SEZ6L: variants seen among roughly 807,000 people sequenced by gnomAD.
The protein encoded by SEZ6L is seizure related 6 homolog like.
SEZ6L carries 37 observed loss-of-function variants against 106.2 expected under a neutral mutation model. That is an observed-to-expected ratio of 0.35 (90% CI 0.27 to 0.46). The LOEUF (loss-of-function observed/expected upper bound fraction) is 0.46. Among genes scored for constraint, SEZ6L ranks in the 20% least tolerant of loss-of-function variants. SEZ6L has a pLI of 1.00. For missense variants in SEZ6L, 1,172 were observed against 1,332.8 expected (o/e 0.88, Z 1.88); for synonymous variants, 541 against 570.4 (o/e 0.95, Z 0.73).
At chr22:26,298,956 C>G in intron 4 of SEZ6L, 28 bp from the exon 5 acceptor site, 1 of 1,521,884 alleles carries the variant, frequency 6.6e-7, no homozygotes, top group Non-Finnish European at 8.8e-7. Context: ...CAAGTGATGA[C>G]TGAGTCTGCC....
chr22:26,256,281 G>A (rs1021325073), intron 1 of SEZ6L, among the ~76,000 whole-genome samples: 5 of 152,172 alleles, frequency 3.3e-5, no homozygotes. Flanking sequence ...TGGGTACAAG[G>A]AGATAAGCTA....
chr22:26,248,539 T>A (rs2079447223), intron 1 of SEZ6L, among the ~76,000 whole-genome samples: 1 of 152,166 alleles, frequency 6.6e-6, no homozygotes, highest in Non-Finnish European at 1.5e-5. Flanking sequence ...TAATGACCTC[T>A]TTTTCACGGT....
At chr22:26,294,166 C>T in intron 2 of SEZ6L, 126 bp from the exon 3 acceptor site, 1 of 805,926 alleles carries the variant, frequency 1.2e-6, no homozygotes, top group Non-Finnish European at 2.0e-6. Flanking sequence ...GAGGAATTAA[C>T]AGCAGAAGGA....
At chr22:26,236,954 T>G (rs1014777620) in intron 1 of SEZ6L, among the ~76,000 whole-genome samples, 5 of 152,172 alleles carry the variant, frequency 3.3e-5, no homozygotes, top group Non-Finnish European at 7.4e-5. Context: ...AACCTGTCTC[T>G]GCTCCCCCTT....
At chr22:26,336,578 T>C (rs970812916) in intron 9 of SEZ6L, among the ~76,000 whole-genome samples, 7 of 152,198 alleles carry the variant, frequency 4.6e-5, no homozygotes, top group Admixed American at 1.3e-4. Context: ...TGTTCTTAGC[T>C]TAGGGAGACA....
chr22:26,212,344 A>G (rs979865817), intron 1 of SEZ6L, among the ~76,000 whole-genome samples: 16 of 152,214 alleles, frequency 1.1e-4, no homozygotes, highest in African/African-American at 3.6e-4. Flanking sequence ...ATATGTTCTC[A>G]TTGGAATAAA....
chr22:26,297,598 G>C (rs985717256), intron 4 of SEZ6L, among the ~76,000 whole-genome samples: 1 of 152,020 alleles, frequency 6.6e-6, no homozygotes. Flanking sequence ...TCCACTGTGC[G>C]TCCACAGACT....
At chr22:26,214,412 T>G (rs1393661666) in intron 1 of SEZ6L, among the ~76,000 whole-genome samples, 1 of 152,176 alleles carries the variant, frequency 6.6e-6, no homozygotes, top group Admixed American at 6.5e-5. Flanking sequence ...TCTTAGCTAC[T>G]TGCATCCTAG....
At chr22:26,335,325 T>C (rs935240142) in intron 9 of SEZ6L, among the ~76,000 whole-genome samples, 2 of 152,196 alleles carry the variant, frequency 1.3e-5, no homozygotes, top group South Asian at 2.1e-4. Flanking sequence ...TGCGTTTTCA[T>C]AGGTCTTCTG....
At chr22:26,260,670 C>T (rs1254665021) in intron 1 of SEZ6L, among the ~76,000 whole-genome samples, 3 of 152,028 alleles carry the variant, frequency 2.0e-5, no homozygotes, top group East Asian at 1.9e-4. Flanking sequence ...TTTGCAACAG[C>T]GAATTGTGCT....
chr22:26,222,863 A>G (rs2145727677), intron 1 of SEZ6L, among the ~76,000 whole-genome samples: 2 of 152,150 alleles, frequency 1.3e-5, no homozygotes, highest in Admixed American at 1.3e-4. Flanking sequence ...GCCCACCAGG[A>G]GATATCTGAC....
chr22:26,241,124 G>A (rs1018869378), intron 1 of SEZ6L, among the ~76,000 whole-genome samples: 30 of 152,158 alleles, frequency 2.0e-4, no homozygotes, highest in Non-Finnish European at 2.2e-4. Flanking sequence ...ATCCCCATTC[G>A]AAAGATGGTG....
At chr22:26,201,572 A>T (rs1400544658) in intron 1 of SEZ6L, among the ~76,000 whole-genome samples, 1 of 151,970 alleles carries the variant, frequency 6.6e-6, no homozygotes, top group African/African-American at 2.4e-5. Context: ...AAAATAAAAA[A>T]TAAAAATAAA....
At chr22:26,249,742 A>T (rs1217435442) in intron 1 of SEZ6L, among the ~76,000 whole-genome samples, 2 of 152,158 alleles carry the variant, frequency 1.3e-5, no homozygotes, top group African/African-American at 4.8e-5. Context: ...TAATTTTTTG[A>T]GAAACCTTGA....
chr22:26,329,010 GT>G (rs1202332057), intron 9 of SEZ6L, among the ~76,000 whole-genome samples: 1 of 152,166 alleles, frequency 6.6e-6, no homozygotes, highest in East Asian at 1.9e-4. Flanking sequence ...GGGATCAGGA[GT>G]TTTTAAACCT....
At chr22:26,189,602 A>T (rs943214785) in intron 1 of SEZ6L, among the ~76,000 whole-genome samples, 1 of 152,188 alleles carries the variant, frequency 6.6e-6, no homozygotes, top group South Asian at 2.1e-4. Context: ...TAGCATTTAT[A>T]TTCTATTAGG....
In SEZ6L at chr22:26,351,208, C is replaced by T. The variant is rs567315550; in HGVS notation, c.2564C>T (p.Thr855Ile). Residue 855 changes from threonine (T) to isoleucine (I), a missense_variant, in exon 12 of 17, where the codon ACT (threonine) becomes ATT (isoleucine). This residue lies in a region of SEZ6L where 534 missense variants were observed against 691.0 expected (regional missense o/e 0.77). Coordinates refer to ENST00000248933, the MANE Select transcript of SEZ6L (RefSeq NM_021115.5). ...LLTCYSRETG[T>I]PIWTSRLPHC... Reference sequence around the variant, plus strand: ...ACCTGCTACAGCCGTGAAACAGGGACTCCCATCTGGACGTCTCGCCTGCCC... The same window carrying T: ...ACCTGCTACAGCCGTGAAACAGGGATTCCCATCTGGACGTCTCGCCTGCCC... 6.2e-7 allele frequency: 1 copy of T among 1,614,130 alleles called. No homozygotes were observed. The highest frequency in any genetic ancestry group is 1.1e-5 in the South Asian group (1 of 91,068).
intron 9 of SEZ6L, among the ~76,000 whole-genome samples, chr22:26,331,447 C>T (rs558406916): frequency 3.5e-4 from 54 of 152,310 alleles, no homozygotes; most frequent in African/African-American, 1.3e-3. Flanking sequence ...TGGCTCTCCT[C>T]CCTAGAGGCA....
chr22:26,306,744 T>C (rs1031194449), intron 6 of SEZ6L, among the ~76,000 whole-genome samples: 3 of 152,212 alleles, frequency 2.0e-5, no homozygotes, highest in African/African-American at 7.2e-5. Flanking sequence ...TTCTAGAAAT[T>C]ATGGAATCTT....
Sources: gnomAD v4.1 joint callset for allele counts (sites outside exome capture counted in the v4.1 genomes callset) on GRCh38, gnomAD v4.1.1 for gene constraint, gnomAD v4.1.1 regional missense constraint, MANE v1.5 for transcripts, NCBI Gene and HGNC (gene_info 2026-07-23, HGNC 2026-07-21) for gene names.